The following SDC3 variants were observed in gnomAD, a reference collection of about 807,000 sequenced individuals.
SDC3 encodes syndecan-3.
A neutral mutation model predicts 24.4 loss-of-function variants in SDC3; 13 were observed. The ratio of observed to expected loss-of-function variants is 0.53; its 90% CI spans 0.35 to 0.85. SDC3 has a LOEUF of 0.85. Among genes scored for constraint, SDC3 ranks in the 40% least tolerant of loss-of-function variants. SDC3 has a pLI of 0.01. For synonymous variants in SDC3, 295 were observed against 260.9 expected (o/e 1.13, Z -1.26); for missense variants, 571 against 584.5 (o/e 0.98, Z 0.24).
At chr1:30,873,431 A>C in intron 4 of SDC3, 54 bp from the exon 5 acceptor site, 1 of 1,440,830 alleles carries the variant, frequency 6.9e-7, no homozygotes, top group Non-Finnish European at 9.7e-7. Flanking sequence ...GAACCAGGGC[A>C]AAGGGTCCTC....
At chr1:30,907,015 A>G (rs1221607115) in intron 1 of SDC3, among the ~76,000 whole-genome samples, 3 of 152,162 alleles carry the variant, frequency 2.0e-5, no homozygotes, top group Admixed American at 1.3e-4. Flanking sequence ...GGGAAGGCTG[A>G]GGAGGGGCCT....
chr1:30,890,583 A>G (rs1002000719), intron 1 of SDC3, among the ~76,000 whole-genome samples: 4 of 152,224 alleles, frequency 2.6e-5, no homozygotes, highest in Non-Finnish European at 4.4e-5. Flanking sequence ...CTTTACAACT[A>G]TGTAAATATA....
intron 3 of SDC3, among the ~76,000 whole-genome samples, chr1:30,875,330 T>G (rs1639619678): frequency 1.3e-5 from 2 of 152,334 alleles, no homozygotes; most frequent in South Asian, 2.1e-4. Flanking sequence ...TCCAGCAACC[T>G]GGGCCCTGTG....
At chr1:30,903,417 G>T (rs889898335) in intron 1 of SDC3, among the ~76,000 whole-genome samples, 3 of 147,696 alleles carry the variant, frequency 2.0e-5, no homozygotes, top group Admixed American at 1.3e-4. Flanking sequence ...GCATACACAT[G>T]TGTGGGCACA....
Position 30,878,727 on chromosome 1 carries a change from C to T in SDC3, c.152G>A (p.Arg51His), listed in dbSNP as rs1441130000. 5.0e-6 allele frequency: 8 copies of T among 1,614,034 alleles called. No individual in the cohort carries two copies. Among genetic ancestry groups the T allele is most frequent in the African/African-American group, 2.7e-5 (2 of 74,950 alleles). The stretch of plus-strand genomic sequence containing the variant: ...CACGGGTCTCTCGAAGTTCTCACTG[C>T]GCCAGCGCTGGGCCTAGGGAAGGTA... Reference protein sequence around the residue: ...AGRAAGAQRWRSENFERPVDL... With the variant: ...AGRAAGAQRWHSENFERPVDL... Residue 51 changes from arginine to histidine, a missense_variant, in exon 2 of 5, where the codon CGC (arginine) becomes CAC (histidine). Coordinates refer to ENST00000339394, the MANE Select transcript of SDC3 (RefSeq NM_014654.4).
chr1:30,887,840 G>A (rs1639852782), intron 1 of SDC3, among the ~76,000 whole-genome samples: 1 of 152,188 alleles, frequency 6.6e-6, no homozygotes, highest in African/African-American at 2.4e-5. Context: ...ATCGCTATGG[G>A]ATCCCAAGGC....
Position 30,873,310 on chromosome 1 carries a change from A to C in SDC3, c.1230T>G (p.Arg410=). 1 of 1,612,712 alleles carries C rather than the reference A, an allele frequency of 6.2e-7. No homozygotes were observed. The highest frequency in any genetic ancestry group is 8.5e-7 in the Non-Finnish European group (1 of 1,178,806). Residue 410 remains arginine, a synonymous_variant, in exon 5 of 5, where the codon CGT becomes CGG. Transcript: ENST00000339394. ...AAFLVTLLIY[R]MKKKDEGSYT... ...AGCTGCCCTCATCCTTTTTCTTCAT[A>C]CGATAGATGAGCAGTGTGACCAAGA...
intron 2 of SDC3, chr1:30,877,425 C>T: frequency 1.7e-6 from 1 of 605,294 alleles, no homozygotes; most frequent in Non-Finnish European, 3.0e-6. Context: ...ACTATTCCTG[C>T]CCACCCAGCC....
chr1:30,894,350 ATGAG>A (rs1252493990), intron 1 of SDC3, among the ~76,000 whole-genome samples: 1 of 26,832 alleles, frequency 3.7e-5, no homozygotes, highest in African/African-American at 1.5e-4. Context: ...GGGTGTGTGG[ATGAG>A]TGTGTGTGAG....
At position 30,876,701 on chromosome 1, in the gene SDC3, T is replaced by C. The variant is rs369847197; in HGVS notation, c.721A>G (p.Thr241Ala). 128 of 1,600,990 alleles carry C rather than the reference T, an allele frequency of 8.0e-5. No individual in the cohort carries two copies. Among genetic ancestry groups the C allele is most frequent in the Non-Finnish European group, 1.1e-4 (127 of 1,173,070 alleles). ...ACCAGCCTGGGTGTTGGGGCCTCGG[T>C]GTCCAAGACAGCCGCCGTGGTGGGC... is the stretch of plus-strand genomic sequence containing the variant. ...SPPTTAAVLD[T>A]EAPTPRLVST... Residue 241 changes from threonine to alanine, a missense_variant, in exon 3 of 5, where the codon ACC becomes GCC. Coordinates refer to ENST00000339394, the MANE Select transcript of SDC3 (RefSeq NM_014654.4).
chr1:30,875,501 A>G (rs1639622955), intron 3 of SDC3, among the ~76,000 whole-genome samples: 1 of 152,126 alleles, frequency 6.6e-6, no homozygotes, highest in Non-Finnish European at 1.5e-5. Context: ...ACTGACCCCA[A>G]GGCAGCGCCA....
intron 1 of SDC3, among the ~76,000 whole-genome samples, chr1:30,886,813 T>C (rs967252889): frequency 6.6e-5 from 10 of 152,160 alleles, no homozygotes; most frequent in Non-Finnish European, 1.2e-4. Flanking sequence ...AGGTTCCTTA[T>C]ATGCACATTG....
chr1:30,902,710 C>T (rs1476286945), intron 1 of SDC3, among the ~76,000 whole-genome samples: 2 of 152,316 alleles, frequency 1.3e-5, no homozygotes, highest in African/African-American at 2.4e-5. Flanking sequence ...TAGTCCAGAG[C>T]CACAGTCCCT....
At chr1:30,907,137 G>C (rs1021021051) in intron 1 of SDC3, among the ~76,000 whole-genome samples, 1 of 152,236 alleles carries the variant, frequency 6.6e-6, no homozygotes, top group Admixed American at 6.5e-5. Flanking sequence ...TGGGCACCCA[G>C]TGTTGCTTGA....
At chr1:30,891,786 G>C (rs1478602606) in intron 1 of SDC3, among the ~76,000 whole-genome samples, 1 of 151,116 alleles carries the variant, frequency 6.6e-6, no homozygotes, top group Non-Finnish European at 1.5e-5. Context: ...CCGGGAGGTG[G>C]AGATTGCAGT....
At chr1:30,884,125 G>A (rs936297391) in intron 1 of SDC3, among the ~76,000 whole-genome samples, 7 of 151,954 alleles carry the variant, frequency 4.6e-5, no homozygotes, top group Admixed American at 2.0e-4. Context: ...CCAGGAAGCC[G>A]GCAGTCCCAC....
At chr1:30,889,509 C>G (rs1639876723) in intron 1 of SDC3, among the ~76,000 whole-genome samples, 1 of 152,260 alleles carries the variant, frequency 6.6e-6, no homozygotes, top group Non-Finnish European at 1.5e-5. Flanking sequence ...CTCTGAGCAT[C>G]TACTATGTGC....
intron 1 of SDC3, among the ~76,000 whole-genome samples, chr1:30,898,549 T>A (rs930144793): frequency 5.3e-5 from 8 of 152,250 alleles, no homozygotes; most frequent in African/African-American, 1.9e-4. Flanking sequence ...TTGGAACTGA[T>A]GATCATGTTC....
At position 30,876,772 on chromosome 1, in the gene SDC3, G is replaced by T. The variant is rs776763192; in HGVS notation, c.650C>A (p.Thr217Asn). The T allele has an allele frequency of 6.3e-6, 10 of 1,590,608 alleles. No individual in the cohort carries two copies. The highest frequency in any genetic ancestry group is 1.3e-5 in the African/African-American group (1 of 74,190). The change falls in exon 3 of 5, where the codon ACC (threonine) becomes AAC (asparagine). Residue 217 changes from threonine (T) to asparagine (N), a missense_variant. Coordinates refer to ENST00000339394, the MANE Select transcript of SDC3 (RefSeq NM_014654.4). ...AGTGGCCCGTGCCGTAGCCACTGTGGTCAGTGGGAGAGGCAGAAGCCTCCG... is the reference window on the plus strand; with the variant it reads ...AGTGGCCCGTGCCGTAGCCACTGTGTTCAGTGGGAGAGGCAGAAGCCTCCG... ...GVRRLLPLPL[T>N]TVATARATTP...
Sources: allele counts gnomAD v4.1 joint callset (sites outside exome capture counted in the v4.1 genomes callset), GRCh38; gene constraint gnomAD v4.1.1; transcripts MANE v1.5; gene names NCBI Gene and HGNC (gene_info 2026-07-23, HGNC 2026-07-21).